Variants in TMEM120B observed in about 807,000 individuals in gnomAD.
TMEM120B encodes transmembrane protein 120B.
A neutral mutation model predicts 55.5 loss-of-function variants in TMEM120B; 31 were observed. The observed-to-expected ratio is 0.56, with a 90% CI of 0.42 to 0.75. TMEM120B has a LOEUF of 0.75. Among genes scored for constraint, TMEM120B ranks in the 30% least tolerant of loss-of-function variants. The probability of loss-of-function intolerance (pLI) is 0.00; values close to 1 mark genes in which losing one functional copy is unlikely to be tolerated. For synonymous variants in TMEM120B, 203 were observed against 176.3 expected (o/e 1.15, Z -1.20); for missense variants, 399 against 425.5 (o/e 0.94, Z 0.55).
chr12:121,722,828 T>TG (rs1346678868), intron 1 of TMEM120B, among the ~76,000 whole-genome samples: 1 of 146,852 alleles, frequency 6.8e-6, no homozygotes, highest in East Asian at 2.0e-4. Flanking sequence ...TACAAAGGTG[T>TG]GGGCAGTTTT....
intron 6 of TMEM120B, among the ~76,000 whole-genome samples, chr12:121,765,462 A>C (rs1873817441): frequency 6.6e-6 from 1 of 152,174 alleles, no homozygotes; most frequent in East Asian, 1.9e-4. Context: ...CTTTTATGGC[A>C]TATATGGTTC....
At chr12:121,739,628 A>G (rs1466635156) in intron 1 of TMEM120B, among the ~76,000 whole-genome samples, 1 of 151,746 alleles carries the variant, frequency 6.6e-6, no homozygotes, top group African/African-American at 2.4e-5. Flanking sequence ...GCCCGCCACC[A>G]CACCTGGCTA....
At chr12:121,752,006 G>A (rs909708054) in intron 4 of TMEM120B, 122 bp from the exon 5 acceptor site, 2 of 766,438 alleles carry the variant, frequency 2.6e-6, no homozygotes, top group Non-Finnish European at 2.2e-6. Context: ...AGTGGAATGG[G>A]AAGGTCCTTA....
chr12:121,757,911 C>G (rs1431460258), intron 5 of TMEM120B, among the ~76,000 whole-genome samples: 1 of 152,202 alleles, frequency 6.6e-6, no homozygotes, highest in Admixed American at 6.5e-5. Flanking sequence ...CGTTAGCCTC[C>G]CAGAGTGCTG....
chr12:121,724,439 A>G (rs1592924485), intron 1 of TMEM120B, among the ~76,000 whole-genome samples: 2 of 152,000 alleles, frequency 1.3e-5, no homozygotes, highest in East Asian at 3.9e-4. Context: ...TGGCCTCCCA[A>G]AGTGCTGGGA....
chr12:121,753,936 G>A (rs1209885589), intron 5 of TMEM120B, among the ~76,000 whole-genome samples: 3 of 152,324 alleles, frequency 2.0e-5, no homozygotes, highest in East Asian at 1.9e-4. Context: ...TGCTGGTACC[G>A]TCCAAGTGCA....
At chr12:121,716,309 CA>C (rs1278926360) in intron 1 of TMEM120B, among the ~76,000 whole-genome samples, 3,914 of 120,608 alleles carry the variant, frequency 0.032, 78 homozygotes, top group African/African-American at 0.072. Flanking sequence ...CCCTCTCTCT[CA>C]AAAAAAAAAA....
At chr12:121,753,586 A>G (rs1238565013) in intron 5 of TMEM120B, among the ~76,000 whole-genome samples, 1 of 151,808 alleles carries the variant, frequency 6.6e-6, no homozygotes, top group East Asian at 1.9e-4. Flanking sequence ...CAAACAAAAA[A>G]AAAAAGAATG....
rs7301414 is a variant in TMEM120B, at chr12:121,780,877, T to C, written c.*5155T>C. ...GGGTCTTGGCCCCGGCCCACCTGCA[T>C]GTAGGTGATGGGCTCCAGCTGGGCG... On this transcript the variant is annotated 3_prime_UTR_variant, in exon 12 of 12. Coordinates refer to ENST00000449592, the MANE Select transcript of TMEM120B (RefSeq NM_001080825.2). The C allele has an allele frequency of 1.6e-5, 26 of 1,612,910 alleles. 1 individual carries two copies. In the South Asian group the frequency reaches 2.6e-4, roughly 16 times the overall value.
rs758972579 is a variant in TMEM120B at position 121,760,281 on chromosome 12, C to T, written c.462-1368C>T. On this transcript the variant is annotated intron_variant, in intron 5 of 11. Transcript: ENST00000449592. The stretch of plus-strand genomic sequence containing the variant: ...TTGCGCCACTGCACTCCAGCCTGAG[C>T]GAGACTCTGTCTCAAAAAAAAAAAG... Among the ~76,000 whole-genome samples, 79 of 151,238 alleles carry T rather than the reference C, an allele frequency of 5.2e-4. 1 individual carries two copies. The South Asian group carries it at 7.7e-3, about 15-fold the overall frequency.
intron 1 of TMEM120B, among the ~76,000 whole-genome samples, chr12:121,739,163 G>T (rs1219719460): frequency 6.6e-6 from 1 of 152,076 alleles, no homozygotes; most frequent in African/African-American, 2.4e-5. Context: ...CTCTGGCCTG[G>T]GCGACAAGAG....
At chr12:121,721,017 C>A (rs1894781050) in intron 1 of TMEM120B, among the ~76,000 whole-genome samples, 1 of 152,164 alleles carries the variant, frequency 6.6e-6, no homozygotes, top group South Asian at 2.1e-4. Flanking sequence ...CCCACTGGGG[C>A]AGAGCTTGGG....
chr12:121,761,617 G>A (rs752130032), intron 5 of TMEM120B, 32 bp from the exon 6 acceptor site: 10 of 1,571,428 alleles, frequency 6.4e-6, no homozygotes, highest in East Asian at 2.2e-5. Flanking sequence ...TCTCACGCCC[G>A]CACCCCTCCC....
chr12:121,776,476 C>T lies in TMEM120B; in HGVS notation c.*754C>T, dbSNP rs1389272357. ...GGAGAGTGGGACCAAGACCCTTGGCCCCTGTGGAGGGGAACCACCTCCCCC... is the reference window on the plus strand; with the variant it reads ...GGAGAGTGGGACCAAGACCCTTGGCTCCTGTGGAGGGGAACCACCTCCCCC... On this transcript the variant is annotated 3_prime_UTR_variant, in exon 12 of 12. Transcript: ENST00000449592. 1.3e-5 allele frequency: 2 copies of T among 152,212 alleles called. No individual in the cohort carries two copies. Among genetic ancestry groups the T allele is most frequent in the Admixed American group, 6.5e-5 (1 of 15,276 alleles). 9.4% of individuals were successfully genotyped at this position (152,212 alleles called of 1,614,324 possible). A position where few individuals can be genotyped will look rare whatever the true frequency, so the allele number is the denominator to read the frequency against.
At chr12:121,731,926 C>G (rs1895010718) in intron 1 of TMEM120B, among the ~76,000 whole-genome samples, 1 of 152,094 alleles carries the variant, frequency 6.6e-6, no homozygotes, top group Non-Finnish European at 1.5e-5. Flanking sequence ...CACCTGAGGT[C>G]AGGAGTTTGA....
Position 121,752,204 on chromosome 12 carries a change from C to T in TMEM120B, c.442C>T (p.Arg148Ter), listed in dbSNP as rs200663931. 10 of 1,613,754 alleles carry T rather than the reference C, an allele frequency of 6.2e-6. No individual in the cohort carries two copies. Among genetic ancestry groups the T allele is most frequent in the African/African-American group, 1.3e-5 (1 of 75,038 alleles). Residue 148 changes from arginine to a stop codon, truncating the protein, a stop_gained, in exon 5 of 12, where the codon CGA becomes TGA. Coordinates refer to ENST00000449592, the MANE Select transcript of TMEM120B (RefSeq NM_001080825.2). LOFTEE classifies it high-confidence loss of function. ...CCTGCTCCTGGGTGCCGTGGCATGT[C>T]GATTTGTCCTTCACTACAGGTAGTG... ...IILLLGAVAC[R>*]FVLHYRVTDE...
At chr12:121,771,655 G>T (rs1874057207) in intron 8 of TMEM120B, 106 bp downstream of exon 8, 7 of 1,187,888 alleles carry the variant, frequency 5.9e-6, no homozygotes, top group Non-Finnish European at 8.8e-6. Flanking sequence ...GTGTGGCAGG[G>T]AGACCAGACT....
Position 121,758,651 on chromosome 12 carries a change from C to T in TMEM120B, c.462-2998C>T, listed in dbSNP as rs1473534494. On this transcript the variant is annotated intron_variant, in intron 5 of 11. Coordinates refer to ENST00000449592, the MANE Select transcript of TMEM120B (RefSeq NM_001080825.2). ...ACCATGGAGGAGGACGGCCCAGCCC[C>T]GCGCTGTGGTCACCATGGAGGAGGA... 15 of 960,052 alleles carry T rather than the reference C, an allele frequency of 1.6e-5. No homozygotes were observed. The East Asian group carries it at 6.2e-4, about 39-fold the overall frequency. 59.5% of individuals were successfully genotyped at this position (960,052 alleles called of 1,614,324 possible).
At chr12:121,741,396 C>G (rs978287721) in intron 1 of TMEM120B, among the ~76,000 whole-genome samples, 8 of 152,170 alleles carry the variant, frequency 5.3e-5, no homozygotes, top group Non-Finnish European at 1.0e-4. Flanking sequence ...ATGGCGCGAT[C>G]TCGGCTCACC....
Sources: gnomAD v4.1 joint callset for allele counts (sites outside exome capture counted in the v4.1 genomes callset) on GRCh38, gnomAD v4.1.1 for gene constraint, MANE v1.5 for transcripts, NCBI Gene and HGNC (gene_info 2026-07-23, HGNC 2026-07-21) for gene names.